The following PLOD2 variants were observed in gnomAD, a reference collection of about 807,000 sequenced individuals.
The protein encoded by PLOD2 is procollagen-lysine,2-oxoglutarate 5-dioxygenase 2.
PLOD2 carries 65 observed loss-of-function variants against 101.0 expected under a neutral mutation model. The observed-to-expected ratio is 0.64, with a 90% CI of 0.53 to 0.79. The LOEUF (loss-of-function observed/expected upper bound fraction) is 0.79, where lower values mean the gene tolerates loss of function less well. Ranked by LOEUF, PLOD2 falls within the 30% of genes least tolerant of loss-of-function variation. The pLI, the probability that PLOD2 is intolerant of heterozygous loss-of-function variation, is 0.00. For missense variants in PLOD2, 909 were observed against 914.6 expected (o/e 0.99, Z 0.08); for synonymous variants, 314 against 302.9 (o/e 1.04, Z -0.38).
chr3:146,104,226 A>C (rs1167114079), intron 6 of PLOD2, 53 bp downstream of exon 6: 1 of 993,864 alleles, frequency 1.0e-6, no homozygotes, highest in African/African-American at 1.6e-5. Flanking sequence ...AGATAGTTGA[A>C]AACACAGGTG....
At chr3:146,155,027 C>T (rs2108147476) in intron 1 of PLOD2, among the ~76,000 whole-genome samples, 1 of 152,276 alleles carries the variant, frequency 6.6e-6, no homozygotes, top group Middle Eastern at 3.4e-3. Context: ...TTTGAAGATA[C>T]TACATTTTTA....
At chr3:146,119,094 G>A (rs1380700337) in intron 3 of PLOD2, among the ~76,000 whole-genome samples, 2 of 152,136 alleles carry the variant, frequency 1.3e-5, no homozygotes, top group Non-Finnish European at 2.9e-5. Context: ...GAGGTGATTG[G>A]ATCATGAGGG....
At chr3:146,081,700 T>C (rs1936544543) in intron 12 of PLOD2, 38 bp downstream of exon 12, 13 of 1,525,696 alleles carry the variant, frequency 8.5e-6, no homozygotes, top group African/African-American at 1.4e-5. Flanking sequence ...CTTTAGATTA[T>C]GGTATTTCAC....
chr3:146,126,125 G>A (rs1289959521), intron 1 of PLOD2, among the ~76,000 whole-genome samples: 3 of 152,112 alleles, frequency 2.0e-5, no homozygotes, highest in South Asian at 2.1e-4. Flanking sequence ...CAATGACTCA[G>A]AAGGCAAAGC....
chr3:146,120,897 A>G (rs977710096), intron 3 of PLOD2, among the ~76,000 whole-genome samples: 1 of 151,884 alleles, frequency 6.6e-6, no homozygotes, highest in Non-Finnish European at 1.5e-5. Flanking sequence ...AATTTTTTGT[A>G]TTTTTAGTAG....
At position 146,159,099 on chromosome 3, in the gene PLOD2, G is replaced by A. The variant is rs558968072; in HGVS notation, c.109+1782C>T. ...ACCTATGAGAACACCTACCTACACC[G>A]AAATTTGTAATCAAACTGACTACTG... On this transcript the variant is annotated intron_variant, in intron 1 of 19. Transcript: ENST00000282903. Among the ~76,000 whole-genome samples, 7 of 152,206 alleles carry A rather than the reference G, an allele frequency of 4.6e-5. No homozygotes were observed. In the South Asian group the frequency reaches 8.3e-4, roughly 18 times the overall value.
At chr3:146,083,747 A>G (rs1936657969) in intron 11 of PLOD2, among the ~76,000 whole-genome samples, 2 of 151,550 alleles carry the variant, frequency 1.3e-5, no homozygotes, top group South Asian at 4.2e-4. Context: ...ACGCCCGGCT[A>G]ATTTTTTGTA....
chr3:146,149,768 T>C (rs1468725591), intron 1 of PLOD2, among the ~76,000 whole-genome samples: 3 of 152,158 alleles, frequency 2.0e-5, no homozygotes, highest in Non-Finnish European at 4.4e-5. Flanking sequence ...CCAGGCTAAA[T>C]ACTTCTGTTA....
At chr3:146,102,722 A>G in intron 7 of PLOD2, 33 bp downstream of exon 7, 1 of 1,067,198 alleles carries the variant, frequency 9.4e-7, no homozygotes, top group Non-Finnish European at 1.5e-6. Context: ...TCTATCTCCA[A>G]GAATTGGCCA....
At position 146,082,903 on chromosome 3, in the gene PLOD2, A is replaced by C. The variant is rs148298298; in HGVS notation, c.1233-1040T>G. 1.1e-3 allele frequency among the ~76,000 whole-genome samples: 173 copies of C among 152,326 alleles called. 5 individuals carry two copies. The East Asian group carries it at 0.031, about 27-fold the overall frequency. ...GAGCAAGACTCCATCTCAAAAAAAT[A>C]AATAAATAAAAATAAATACACATCA... On this transcript the variant is annotated intron_variant, in intron 11 of 19. Coordinates refer to ENST00000282903, the MANE Select transcript of PLOD2 (RefSeq NM_182943.3).
intron 1 of PLOD2, among the ~76,000 whole-genome samples, chr3:146,159,977 T>A (rs1315290820): frequency 6.6e-6 from 1 of 152,124 alleles, no homozygotes. Context: ...AAAGTTCAAG[T>A]AGAAAAGCAC....
intron 1 of PLOD2, among the ~76,000 whole-genome samples, chr3:146,129,889 GCTCAGGTTTCTGCAATCGT>G (rs1040424589): frequency 2.6e-5 from 4 of 152,118 alleles, no homozygotes; most frequent in African/African-American, 9.7e-5. Context: ...ATCAGCACTA[GCTCAGGTTTCTGCAATCGT>G]CTCTTAGGCC....
intron 1 of PLOD2, among the ~76,000 whole-genome samples, chr3:146,148,739 CATA>C (rs947682391): frequency 2.6e-4 from 39 of 152,268 alleles, no homozygotes; most frequent in African/African-American, 7.0e-4. Flanking sequence ...TCCATGGTTG[CATA>C]ATATTACAAC....
intron 1 of PLOD2, among the ~76,000 whole-genome samples, chr3:146,151,621 T>C (rs2032059595): frequency 6.6e-6 from 1 of 152,170 alleles, no homozygotes; most frequent in Non-Finnish European, 1.5e-5. Flanking sequence ...AACTTAGATG[T>C]AGGTTTCCTG....
intron 1 of PLOD2, among the ~76,000 whole-genome samples, chr3:146,125,462 C>T (rs971294681): frequency 2.0e-5 from 3 of 152,006 alleles, no homozygotes; most frequent in African/African-American, 7.2e-5. Flanking sequence ...AAAGGTATTT[C>T]TTGGCCAGGC....
chr3:146,090,989 G>C (rs561830026), intron 8 of PLOD2, among the ~76,000 whole-genome samples: 1 of 151,722 alleles, frequency 6.6e-6, no homozygotes, highest in Non-Finnish European at 1.5e-5. Flanking sequence ...CAATTTTTTG[G>C]AATAAAAATG....
At chr3:146,094,129 G>A (rs890021449) in intron 7 of PLOD2, among the ~76,000 whole-genome samples, 1 of 152,158 alleles carries the variant, frequency 6.6e-6, no homozygotes, top group Admixed American at 6.5e-5. Flanking sequence ...GCTACTAGGT[G>A]ATAGTATTTT....
intron 3 of PLOD2, among the ~76,000 whole-genome samples, chr3:146,117,255 A>T (rs1037297522): frequency 6.6e-6 from 1 of 152,178 alleles, no homozygotes; most frequent in Non-Finnish European, 1.5e-5. Context: ...CCTTAAAAAT[A>T]CCACATAAAA....
intron 7 of PLOD2, among the ~76,000 whole-genome samples, chr3:146,096,540 T>C (rs1333683209): frequency 1.1e-3 from 85 of 80,652 alleles, no homozygotes; most frequent in African/African-American, 4.5e-3. Flanking sequence ...CCCACCGCCC[T>C]GTCTGGGATG....
Sources: allele counts gnomAD v4.1 joint callset (sites outside exome capture counted in the v4.1 genomes callset), GRCh38; gene constraint gnomAD v4.1.1; transcripts MANE v1.5; gene names NCBI Gene and HGNC (gene_info 2026-07-23, HGNC 2026-07-21).